The following RNF130 variants were observed in gnomAD, a reference collection of about 807,000 sequenced individuals.
The protein encoded by RNF130 is ring finger protein 130.
Under a neutral mutation model 44.6 loss-of-function variants are expected in RNF130, and 21 were observed. The observed-to-expected ratio is 0.47, with a 90% confidence interval of 0.33 to 0.68. The LOEUF is 0.68. Among genes scored for constraint, RNF130 ranks in the 30% least tolerant of loss-of-function variants. The probability of loss-of-function intolerance (pLI) is 0.02; values close to 1 mark genes in which losing one functional copy is unlikely to be tolerated. For missense variants in RNF130, 479 were observed against 560.6 expected, an observed-to-expected ratio of 0.85 and a Z score of 1.47; for synonymous variants, 214 against 210.4, an observed-to-expected ratio of 1.02 and a Z score of -0.15.
chr5:180,015,676 AG>A (rs1301858694), intron 2 of RNF130, among the ~76,000 whole-genome samples: 2 of 141,938 alleles, frequency 1.4e-5, no homozygotes, highest in Non-Finnish European at 1.5e-5. Flanking sequence ...GGAAAGGAGT[AG>A]GGAAAGGAGT....
At chr5:179,928,631 GTTT>G (rs11346161) in intron 7 of RNF130, among the ~76,000 whole-genome samples, 4 of 133,884 alleles carry the variant, frequency 3.0e-5, no homozygotes, top group African/African-American at 8.4e-5. Context: ...AATTGTTGTT[GTTT>G]TTTTTTTTTT....
intron 1 of RNF130, among the ~76,000 whole-genome samples, chr5:180,054,377 A>G (rs1181612795): frequency 6.6e-6 from 1 of 151,992 alleles, no homozygotes; most frequent in Admixed American, 6.6e-5. Flanking sequence ...GTGGCATGTC[A>G]CCCTCCAGGC....
At chr5:179,970,324 C>G (rs1762551994) in intron 6 of RNF130, 86 bp downstream of exon 6, 1 of 1,005,530 alleles carries the variant, frequency 9.9e-7, no homozygotes, top group Non-Finnish European at 1.5e-6. Flanking sequence ...TTAGTCATGC[C>G]TCCTATTATG....
intron 7 of RNF130, among the ~76,000 whole-genome samples, chr5:179,921,606 T>G (rs1384502460): frequency 6.6e-6 from 1 of 152,124 alleles, no homozygotes; most frequent in Non-Finnish European, 1.5e-5. Flanking sequence ...AAGACCAGCT[T>G]CAACTACGTA....
chr5:179,978,415 A>ATTATT, intron 4 of RNF130, 130 bp from the exon 5 acceptor site: 1 of 608,272 alleles, frequency 1.6e-6, no homozygotes, highest in Non-Finnish European at 2.9e-6. Context: ...AATGATTAAA[A>ATTATT]TTATTTTGTT....
intron 2 of RNF130, 144 bp downstream of exon 2, chr5:180,040,309 A>G: frequency 1.4e-6 from 1 of 730,692 alleles, no homozygotes; most frequent in East Asian, 2.7e-5. Flanking sequence ...CTATGGGGAA[A>G]AAACATGCAT....
chr5:180,070,625 A>T (rs1241084640), intron 1 of RNF130, among the ~76,000 whole-genome samples: 1 of 152,246 alleles, frequency 6.6e-6, no homozygotes, highest in Non-Finnish European at 1.5e-5. Flanking sequence ...GATATCTCCC[A>T]AAAGTTCAGC....
chr5:180,046,907 T>C (rs906110082), intron 1 of RNF130, among the ~76,000 whole-genome samples: 2 of 152,186 alleles, frequency 1.3e-5, no homozygotes, highest in Non-Finnish European at 2.9e-5. Flanking sequence ...TGCGAATATG[T>C]CTGGCACATA....
At chr5:179,935,324 A>T (rs993036083) in intron 7 of RNF130, among the ~76,000 whole-genome samples, 1 of 152,210 alleles carries the variant, frequency 6.6e-6, no homozygotes, top group Non-Finnish European at 1.5e-5. Flanking sequence ...TACTTAAAAA[A>T]ATATATACCC....
chr5:180,051,899 T>C (rs939025304), intron 1 of RNF130, among the ~76,000 whole-genome samples: 9 of 152,246 alleles, frequency 5.9e-5, no homozygotes, highest in African/African-American at 2.2e-4. Context: ...TGCAAGATGC[T>C]ACAGATCTAA....
Position 180,013,276 on chromosome 5 carries a change from A to C in RNF130, c.478T>G (p.Leu160Val). The change falls in exon 3 of 9, where the codon TTG becomes GTG. Residue 160 changes from leucine (L) to valine (V), a missense_variant. By Grantham distance (32) the Leu-to-Val change is conservative (BLOSUM62 1). Transcript: ENST00000521389. ...GDIIAVMITE[L>V]RGKDILSYLE... ...TAACTCAAAATATCCTTACCCCTCA[A>C]TTCTGTTATCATGACAGCAATAATA... 1 of 1,613,466 alleles carries C rather than the reference A, an allele frequency of 6.2e-7. No homozygotes were observed.
intron 7 of RNF130, among the ~76,000 whole-genome samples, chr5:179,934,515 G>A (rs1463197056): frequency 1.4e-5 from 2 of 147,832 alleles, no homozygotes; most frequent in African/African-American, 5.0e-5. Flanking sequence ...GAACAACTTC[G>A]TGTTTGGTTG....
At chr5:179,996,451 T>C (rs1763198360) in intron 3 of RNF130, among the ~76,000 whole-genome samples, 1 of 152,226 alleles carries the variant, frequency 6.6e-6, no homozygotes. Context: ...ATGTTGGTTG[T>C]GGGTAAGTCA....
Position 180,040,661 on chromosome 5 carries a change from G to A in RNF130, c.248-14C>T, listed in dbSNP as rs774228009. On this transcript the variant is annotated splice_polypyrimidine_tract_variant and intron_variant, in intron 1 of 8. Transcript: ENST00000521389. ...GATGATCAGCAACTGAAAAGAAAAA[G>A]AAATACACACATTAAAGATAAATAA... The A allele has an allele frequency of 1.7e-5, 27 of 1,606,400 alleles. No individual in the cohort carries two copies. The highest frequency in any genetic ancestry group is 2.2e-5 in the Non-Finnish European group (26 of 1,176,098).
intron 1 of RNF130, among the ~76,000 whole-genome samples, chr5:180,060,399 T>C (rs1764944810): frequency 6.6e-6 from 1 of 152,228 alleles, no homozygotes; most frequent in South Asian, 2.1e-4. Context: ...CCTTGTTTTT[T>C]CCAGCAAAGC....
At chr5:179,973,658 G>A (rs1201412691) in intron 5 of RNF130, among the ~76,000 whole-genome samples, 3 of 152,136 alleles carry the variant, frequency 2.0e-5, no homozygotes, top group Non-Finnish European at 4.4e-5. Context: ...TATGGCTCTG[G>A]GCTCTCATTA....
intron 7 of RNF130, among the ~76,000 whole-genome samples, chr5:179,945,292 A>C (rs114136241): frequency 2.0e-5 from 3 of 152,066 alleles, no homozygotes; most frequent in African/African-American, 7.2e-5. Flanking sequence ...TGCACCTGGG[A>C]AAACAGTGGG....
chr5:180,059,907 G>T (rs116378233), intron 1 of RNF130, among the ~76,000 whole-genome samples: 1,790 of 152,196 alleles, frequency 0.012, 14 homozygotes, highest in Non-Finnish European at 0.019. Context: ...ACAGAGCAAG[G>T]GGGAACTAGG....
chr5:180,026,353 A>G (rs1438609854), intron 2 of RNF130, among the ~76,000 whole-genome samples: 1 of 152,250 alleles, frequency 6.6e-6, no homozygotes, highest in African/African-American at 2.4e-5. Flanking sequence ...TAAAGTCTAT[A>G]TAAATCTTTA....
Sources: gnomAD v4.1 joint callset for allele counts (sites outside exome capture counted in the v4.1 genomes callset) on GRCh38, gnomAD v4.1.1 for gene constraint, MANE v1.5 for transcripts, NCBI Gene and HGNC (gene_info 2026-07-23, HGNC 2026-07-21) for gene names.